PAQR4: variants seen among roughly 807,000 people sequenced by gnomAD.
The protein encoded by PAQR4 is progestin and adipoQ receptor family member 4, also known as progestin and adipoQ receptor family member IV.
In PAQR4, 26 loss-of-function variants were observed where a neutral mutation model predicts 20.9. The ratio of observed to expected loss-of-function variants is 1.24; its 90% CI spans 0.91 to 1.73. The LOEUF is 1.73. Among genes scored for constraint, PAQR4 ranks in the 40% most tolerant of loss-of-function variants. PAQR4 has a pLI of 0.00. For missense variants in PAQR4, 400 were observed against 380.1 expected, an observed-to-expected ratio of 1.05 and a Z score of -0.44; for synonymous variants, 193 against 171.6, an observed-to-expected ratio of 1.12 and a Z score of -0.97.
Position 2,969,506 on chromosome 16 carries a change from G to T in PAQR4, c.-169G>T. The stretch of plus-strand genomic sequence containing the variant: ...GACTCGCGCGTGCGCAGCGCCGGAG[G>T]GGCGCGGGCTGGGACCCCCTAGCCA... On this transcript the variant is annotated 5_prime_UTR_variant, in exon 1 of 3. Coordinates refer to ENST00000318782, the MANE Select transcript of PAQR4 (RefSeq NM_152341.5). 3.5e-6 allele frequency: 2 copies of T among 572,140 alleles called. No homozygotes were observed. The highest frequency in any genetic ancestry group is 5.0e-6 in the Non-Finnish European group (2 of 400,040). 35.4% of individuals were successfully genotyped at this position (572,140 alleles called of 1,614,324 possible).
chr16:2,971,704 T>C lies in PAQR4; in HGVS notation c.578T>C (p.Val193Ala). ...ARLLVFGARG[V>A]GLGSGAPGSL... ...CTACTGGTATTTGGGGCCCGGGGAG[T>C]GGGTCTGGGTTCAGGGGCTCCAGGC... The change falls in exon 3 of 3, where the codon GTG becomes GCG. Residue 193 changes from valine (V) to alanine (A), a missense_variant. Coordinates refer to ENST00000318782, the MANE Select transcript of PAQR4 (RefSeq NM_152341.5). 6.2e-7 allele frequency: 1 copy of C among 1,612,106 alleles called. No individual in the cohort carries two copies. Among genetic ancestry groups the C allele is most frequent in the South Asian group, 1.1e-5 (1 of 91,058 alleles).
intron 1 of PAQR4, chr16:2,970,130 C>T: frequency 2.7e-6 from 1 of 372,236 alleles, no homozygotes; most frequent in South Asian, 3.1e-5. Context: ...CCTCTGTAAT[C>T]CCAGCGCCCT....
rs1357408759 is a variant in PAQR4 at position 2,971,359 on chromosome 16, C to G, written c.369C>G (p.Val123=). 1 of 1,610,048 alleles carries G rather than the reference C, an allele frequency of 6.2e-7. No individual in the cohort carries two copies. Among genetic ancestry groups the G allele is most frequent in the Admixed American group, 1.7e-5 (1 of 60,024 alleles). The change falls in exon 2 of 3, where the codon GTC becomes GTG. Residue 123 remains valine, a synonymous_variant. Transcript: ENST00000318782. The stretch of plus-strand genomic sequence containing the variant: ...TCCTCGCCCTGGACATGTGTGGGGT[C>G]TGCCTTGTCAACACCCTTGGTGAGT... ...ARLLALDMCG[V]CLVNTLGALP...
chr16:2,969,521 C>A lies in PAQR4; in HGVS notation c.-154C>A. On this transcript the variant is annotated 5_prime_UTR_variant, in exon 1 of 3. Coordinates refer to ENST00000318782, the MANE Select transcript of PAQR4 (RefSeq NM_152341.5). ...AGCGCCGGAGGGGCGCGGGCTGGGA[C>A]CCCCTAGCCAGCGCGTGCGCCGATC... 2.6e-6 allele frequency: 2 copies of A among 756,862 alleles called. No homozygotes were observed. The highest frequency in any genetic ancestry group is 3.6e-6 in the Non-Finnish European group (2 of 557,144). The allele number at this position is 756,862 out of a possible 1,614,324, so 46.9% of individuals were successfully genotyped here.
rs1249157752 is a variant in PAQR4 at position 2,972,662 on chromosome 16, CTT to C, written c.*716_*717del. On this transcript the variant is annotated 3_prime_UTR_variant, in exon 3 of 3. Transcript: ENST00000318782. The stretch of plus-strand genomic sequence containing the variant: ...GGGGATGTGCCTGCTCAGGAAACCT[CTT>C]TGCTCCACACAGCATGGGGCTTCAG... The C allele has an allele frequency of 1.3e-6, 2 of 1,535,804 alleles. No homozygotes were observed. The highest frequency in any genetic ancestry group is 1.7e-6 in the Non-Finnish European group (2 of 1,146,824).
At position 2,973,272 on chromosome 16, in the gene PAQR4, A is replaced by G. The variant is rs935278735; in HGVS notation, c.*1324A>G. 6.7e-7 allele frequency: 1 copy of G among 1,488,864 alleles called. No homozygotes were observed. Among genetic ancestry groups the G allele is most frequent in the African/African-American group, 1.4e-5 (1 of 70,634 alleles). The allele number at this position is 1,488,864 out of a possible 1,614,324, so 92.2% of individuals were successfully genotyped here. ...TCCAGGGCTAGGGAGTGCCGGATGA[A>G]ACCAGCTCTGTCCCTGTGCAGGCTC... On this transcript the variant is annotated 3_prime_UTR_variant, in exon 3 of 3. Coordinates refer to ENST00000318782, the MANE Select transcript of PAQR4 (RefSeq NM_152341.5).
chr16:2,969,899 C>A, intron 1 of PAQR4, 59 bp downstream of exon 1: 1 of 1,592,362 alleles, frequency 6.3e-7, no homozygotes, highest in Non-Finnish European at 8.5e-7. Context: ...TGCGTTGGGC[C>A]GGGGGCACTG....
Position 2,973,155 on chromosome 16 carries a change from C to A in PAQR4, c.*1207C>A. 6.5e-7 allele frequency: 1 copy of A among 1,542,152 alleles called. No homozygotes were observed. The highest frequency in any genetic ancestry group is 2.3e-5 in the East Asian group (1 of 43,038). On this transcript the variant is annotated 3_prime_UTR_variant, in exon 3 of 3. Coordinates refer to ENST00000318782, the MANE Select transcript of PAQR4 (RefSeq NM_152341.5). Reference sequence around the variant, plus strand: ...CTGCTTACCTGGGTGTGCACCTGCTCCGGGGGGTGGAGGTGCTCCCCACAG... The same window carrying A: ...CTGCTTACCTGGGTGTGCACCTGCTACGGGGGGTGGAGGTGCTCCCCACAG...
At position 2,972,589 on chromosome 16, in the gene PAQR4, GC is replaced by G. The variant is rs1308647305; in HGVS notation, c.*644del. ...ATCCTGGGACCCCTGGGCCGTGCCT[GC>G]CCTCCACCTTGAGTGCCATACTCCC... On this transcript the variant is annotated 3_prime_UTR_variant, in exon 3 of 3. Transcript: ENST00000318782. 1 of 1,526,438 alleles carries G rather than the reference GC, an allele frequency of 6.6e-7. No individual in the cohort carries two copies. Among genetic ancestry groups the G allele is most frequent in the Non-Finnish European group, 8.8e-7 (1 of 1,140,996 alleles). 94.6% of individuals were successfully genotyped at this position (1,526,438 alleles called of 1,614,324 possible).
intron 1 of PAQR4, chr16:2,970,338 C>T (rs2071950501): frequency 6.1e-6 from 1 of 163,416 alleles, no homozygotes; most frequent in Admixed American, 6.2e-5. Context: ...GCTCTGCTGA[C>T]ACAGCCCTGC....
rs2151060351 is a variant in PAQR4 at position 2,969,532 on chromosome 16, G to C, written c.-143G>C. The C allele has an allele frequency of 2.1e-6, 2 of 944,760 alleles. No individual in the cohort carries two copies. Among genetic ancestry groups the C allele is most frequent in the Admixed American group, 4.4e-5 (1 of 22,542 alleles). The allele number at this position is 944,760 out of a possible 1,614,324, so 58.5% of individuals were successfully genotyped here. A position where few individuals can be genotyped will look rare whatever the true frequency, so the allele number is the denominator to read the frequency against. On this transcript the variant is annotated 5_prime_UTR_variant, in exon 1 of 3. Coordinates refer to ENST00000318782, the MANE Select transcript of PAQR4 (RefSeq NM_152341.5). ...GGCGCGGGCTGGGACCCCCTAGCCA[G>C]CGCGTGCGCCGATCGAGCGCAGGGC...
intron 1 of PAQR4, 125 bp downstream of exon 1, chr16:2,969,965 C>T (rs1246771858): frequency 3.2e-6 from 4 of 1,261,056 alleles, no homozygotes; most frequent in African/African-American, 1.6e-5. Context: ...CTGGCACCGC[C>T]AGTAGCCGCG....
In PAQR4 at chr16:2,973,317, C is replaced by A. The variant is rs995863758; in HGVS notation, c.*1369C>A. ...AGGCTCCAGGCTCCCGCCTGACAAA[C>A]AGGCAGGGAGCCACAGTCAGGGACA... On this transcript the variant is annotated 3_prime_UTR_variant, in exon 3 of 3. Transcript: ENST00000318782. The A allele has an allele frequency of 2.6e-6, 4 of 1,517,560 alleles. No homozygotes were observed. Among genetic ancestry groups the A allele is most frequent in the African/African-American group, 1.4e-5 (1 of 71,256 alleles). 94.0% of individuals were successfully genotyped at this position (1,517,560 alleles called of 1,614,324 possible).
At position 2,971,784 on chromosome 16, in the gene PAQR4, A is replaced by T; in HGVS notation, c.658A>T (p.Asn220Tyr). 6.2e-7 allele frequency: 1 copy of T among 1,612,902 alleles called. No homozygotes were observed. The highest frequency in any genetic ancestry group is 8.5e-7 in the Non-Finnish European group (1 of 1,179,878). Residue 220 changes from asparagine (N) to tyrosine (Y), a missense_variant, in exon 3 of 3, where the codon AAT becomes TAT. Coordinates refer to ENST00000318782, the MANE Select transcript of PAQR4 (RefSeq NM_152341.5). ...ACTGGCGCTGCTTGGGGGACTGGTA[A>T]ATGTAGCCCGTCTGCCCGAGCGCTG... Reference protein sequence around the residue: ...DALALLGGLVNVARLPERWGP... With the variant: ...DALALLGGLVYVARLPERWGP...
rs1023009938 is a variant in PAQR4 at position 2,972,057 on chromosome 16, A to T, written c.*109A>T. On this transcript the variant is annotated 3_prime_UTR_variant, in exon 3 of 3. Transcript: ENST00000318782. Reference sequence around the variant, plus strand: ...TCCTTGGATGCTTCCAGCTCATGAGATGTCTCAGCAGGAGCCCTGTTCACC... The same window carrying T: ...TCCTTGGATGCTTCCAGCTCATGAGTTGTCTCAGCAGGAGCCCTGTTCACC... 8.3e-5 allele frequency: 94 copies of T among 1,127,770 alleles called. 1 individual carries two copies. In the East Asian group the frequency reaches 2.4e-3, roughly 29 times the overall value. 69.9% of individuals were successfully genotyped at this position (1,127,770 alleles called of 1,614,324 possible). A position where few individuals can be genotyped will look rare whatever the true frequency, so the allele number is the denominator to read the frequency against.
At chr16:2,970,248 C>T (rs1459789113) in intron 1 of PAQR4, 1 of 202,650 alleles carries the variant, frequency 4.9e-6, no homozygotes, top group African/African-American at 2.4e-5. Flanking sequence ...CGCCCCAAGC[C>T]GCTCTGTCTT....
chr16:2,972,772 A>C lies in PAQR4; in HGVS notation c.*824A>C, dbSNP rs1421077762. 1 of 1,539,446 alleles carries C rather than the reference A, an allele frequency of 6.5e-7. No homozygotes were observed. The highest frequency in any genetic ancestry group is 2.0e-5 in the Admixed American group (1 of 50,822). On this transcript the variant is annotated 3_prime_UTR_variant, in exon 3 of 3. Transcript: ENST00000318782. ...TTAAGACCCTGGATGACATCAATAA[A>C]GGGACAGGAAGGGCCATGTTGCCAC... is the stretch of plus-strand genomic sequence containing the variant.
At position 2,971,894 on chromosome 16, in the gene PAQR4, C is replaced by T. The variant is rs138017941; in HGVS notation, c.768C>T (p.Ala256=). The change falls in exon 3 of 3, where the codon GCC becomes GCT. Residue 256 remains alanine, a synonymous_variant. Transcript: ENST00000318782. ...LSVGSILQLH[A]GVVPDLLWAA... ...TGGGCTCCATCCTGCAGCTGCACGC[C>T]GGCGTCGTGCCCGACCTGCTCTGGG... The T allele has an allele frequency of 1.4e-5, 22 of 1,608,052 alleles. No homozygotes were observed. Among genetic ancestry groups the T allele is most frequent in the Middle Eastern group, 1.7e-4 (1 of 5,986 alleles).
In PAQR4 at chr16:2,972,829, A is replaced by G; in HGVS notation, c.*881A>G. On this transcript the variant is annotated 3_prime_UTR_variant, in exon 3 of 3. Transcript: ENST00000318782. ...AAGCTTGGGTGCTCCCAAGGTTCAA[A>G]TACTTTTTATTAGACACGGCCAGGC... The G allele has an allele frequency of 5.9e-6, 9 of 1,534,180 alleles. No homozygotes were observed. Among genetic ancestry groups the G allele is most frequent in the Non-Finnish European group, 7.9e-6 (9 of 1,136,042 alleles).
Sources: gnomAD v4.1 joint callset for allele counts on GRCh38, gnomAD v4.1.1 for gene constraint, MANE v1.5 for transcripts, NCBI Gene and HGNC (gene_info 2026-07-23, HGNC 2026-07-21) for gene names.